MYO18A: variants seen among roughly 807,000 people sequenced by gnomAD.
MYO18A encodes the protein myosin XVIIIA.
Under a neutral mutation model 235.8 loss-of-function variants are expected in MYO18A, and 78 were observed. The observed-to-expected ratio is 0.33, with a 90% CI of 0.28 to 0.40. The LOEUF (loss-of-function observed/expected upper bound fraction) is 0.40, where lower values mean the gene tolerates loss of function less well. Among genes scored for constraint, MYO18A ranks in the 10% least tolerant of loss-of-function variants. The pLI is 1.00. For synonymous variants in MYO18A, 977 were observed against 1,077.8 expected, an observed-to-expected ratio of 0.91 and a Z score of 1.83; for missense variants, 2,215 against 2,699.3, an observed-to-expected ratio of 0.82 and a Z score of 3.98.
At position 29,118,483 on chromosome 17, in the gene MYO18A, T is replaced by G. The variant is rs764672979; in HGVS notation, c.1830-43A>C. 1 of 1,556,760 alleles carries G rather than the reference T, an allele frequency of 6.4e-7. No individual in the cohort carries two copies. Among genetic ancestry groups the G allele is most frequent in the East Asian group, 2.3e-5 (1 of 43,592 alleles). On this transcript the variant is annotated intron_variant, in intron 8 of 41. Coordinates refer to ENST00000527372, the MANE Select transcript of MYO18A (RefSeq NM_078471.4). The surrounding 1 kb of genome is among the most constrained non-coding windows in gnomAD (Gnocchi z 4.2). The stretch of plus-strand genomic sequence containing the variant: ...GCATCAGCACGGCACTTGGTCCCCA[T>G]GCCAAGGCCATTTCCGCCCAGGGTG...
chr17:29,176,518 A>C (rs757603042), intron 1 of MYO18A: 4 of 151,800 alleles, frequency 2.6e-5, no homozygotes. Flanking sequence ...TCATAAATAA[A>C]TACAAAGGAA....
In MYO18A at chr17:29,175,059, A is replaced by G. The variant is rs544870141; in HGVS notation, c.-82+5254T>C. On this transcript the variant is annotated intron_variant, in intron 1 of 41. Transcript: ENST00000527372. Reference sequence around the variant, plus strand: ...TGTAGGAAAAATATATGCTCTGGGGAGGAGACTGGAATTTTAGAAGGGTCA... The same window carrying G: ...TGTAGGAAAAATATATGCTCTGGGGGGGAGACTGGAATTTTAGAAGGGTCA... Among the ~76,000 whole-genome samples the G allele has an allele frequency of 3.3e-5, 5 of 152,260 alleles. No homozygotes were observed. The South Asian group carries it at 1.0e-3, about 32-fold the overall frequency.
intron 23 of MYO18A, 83 bp downstream of exon 23, chr17:29,098,743 A>G (rs1483568572): frequency 7.1e-6 from 11 of 1,543,768 alleles, no homozygotes; most frequent in Admixed American, 1.9e-5. Context: ...TCTGGACTAA[A>G]CGAAGAAGCG....
Position 29,125,514 on chromosome 17 carries a change from G to A in MYO18A, c.1000-3261C>T, listed in dbSNP as rs1325692085. Among the ~76,000 whole-genome samples the A allele has an allele frequency of 2.6e-5, 4 of 152,336 alleles. No homozygotes were observed. The East Asian group carries it at 5.8e-4, about 22-fold the overall frequency. On this transcript the variant is annotated intron_variant, in intron 2 of 41. Transcript: ENST00000527372. The surrounding 1 kb of genome is among the most constrained non-coding windows in gnomAD (Gnocchi z 5.1). ...ACTTGGATGTTACCTGTTAGAAATCGGCAAGGAGTTATCAGGCCCCACCTG... is the reference window on the plus strand; with the variant it reads ...ACTTGGATGTTACCTGTTAGAAATCAGCAAGGAGTTATCAGGCCCCACCTG...
At chr17:29,169,207 C>T (rs1043447471) in intron 1 of MYO18A, among the ~76,000 whole-genome samples, 5 of 152,016 alleles carry the variant, frequency 3.3e-5, no homozygotes, top group African/African-American at 4.8e-5. Flanking sequence ...CCCGCCACCA[C>T]GCCCAGCTAA....
chr17:29,135,213 G>A (rs905437139), intron 2 of MYO18A, among the ~76,000 whole-genome samples: 1 of 151,856 alleles, frequency 6.6e-6, no homozygotes, highest in Admixed American at 6.5e-5. Context: ...CCATTCTCCT[G>A]CCTCAGCCTC....
chr17:29,180,156 G>A lies in MYO18A; in HGVS notation c.-82+157C>T, dbSNP rs1449821964. Among the ~76,000 whole-genome samples, 3 of 151,840 alleles carry A rather than the reference G, an allele frequency of 2.0e-5. No homozygotes were observed. Among genetic ancestry groups the A allele is most frequent in the Non-Finnish European group, 2.9e-5 (2 of 67,862 alleles). On this transcript the variant is annotated intron_variant, in intron 1 of 41. Transcript: ENST00000527372. This position sits in a 1 kb window ranked among gnomAD's most constrained non-coding sequence, Gnocchi z 6.1. The stretch of plus-strand genomic sequence containing the variant: ...CACGGCGCCGCCAGGGACGGGAGCC[G>A]GGAGTCCGGGCCGCTGCTTCCAGGG...
intron 41 of MYO18A, chr17:29,080,702 C>T (rs2066098922): frequency 2.0e-6 from 2 of 985,300 alleles, no homozygotes; most frequent in East Asian, 1.1e-4. Flanking sequence ...GGGCTGAAGT[C>T]GGAGCCCCAC....
chr17:29,170,569 C>T (rs1210892323), intron 1 of MYO18A, among the ~76,000 whole-genome samples: 1 of 152,338 alleles, frequency 6.6e-6, no homozygotes, highest in East Asian at 1.9e-4. Context: ...CCCTCTCCCT[C>T]CACTCCAGTA....
chr17:29,135,169 T>C (rs1056688822), intron 2 of MYO18A, among the ~76,000 whole-genome samples: 1 of 151,732 alleles, frequency 6.6e-6, no homozygotes, highest in African/African-American at 2.4e-5. Flanking sequence ...GGTGCAATCT[T>C]GCCTCACTGC....
At chr17:29,155,365 C>T in intron 2 of MYO18A, 1 of 152,772 alleles carries the variant, frequency 6.5e-6, no homozygotes, top group Non-Finnish European at 1.5e-5. Context: ...CTCTTCTGCC[C>T]CAGGGCCGGG....
intron 34 of MYO18A, chr17:29,091,818 G>C (rs1020993181): frequency 1.3e-5 from 5 of 372,682 alleles, no homozygotes; most frequent in African/African-American, 1.1e-4. Flanking sequence ...TGATGCTCAA[G>C]GAGCTGCCTG....
In MYO18A at chr17:29,074,665, G is replaced by C; in HGVS notation, c.*105C>G. On this transcript the variant is annotated 3_prime_UTR_variant, in exon 42 of 42. Coordinates refer to ENST00000527372, the MANE Select transcript of MYO18A (RefSeq NM_078471.4). The surrounding 1 kb of genome is among the most constrained non-coding windows in gnomAD (Gnocchi z 4.4). Reference sequence around the variant, plus strand: ...AGAAGGTCAGGGTGTTTCCCATGCAGATCAGCAGTCGGGTGGGGGAGACCG... The same window carrying C: ...AGAAGGTCAGGGTGTTTCCCATGCACATCAGCAGTCGGGTGGGGGAGACCG... 7.7e-6 allele frequency: 10 copies of C among 1,291,248 alleles called. No individual in the cohort carries two copies. Among genetic ancestry groups the C allele is most frequent in the Non-Finnish European group, 1.0e-5 (9 of 902,048 alleles). The allele number at this position is 1,291,248 out of a possible 1,614,324, so 80.0% of individuals were successfully genotyped here.
intron 37 of MYO18A, among the ~76,000 whole-genome samples, chr17:29,088,052 CTT>C (rs1040172315): frequency 2.1e-4 from 26 of 124,600 alleles, no homozygotes; most frequent in African/African-American, 3.9e-4. Flanking sequence ...AAAATAAATT[CTT>C]TTTTTTTTTT....
intron 2 of MYO18A, among the ~76,000 whole-genome samples, chr17:29,127,295 G>A (rs773244393): frequency 6.6e-6 from 1 of 152,140 alleles, no homozygotes; most frequent in East Asian, 1.9e-4. Context: ...TTTGTTACAC[G>A]TTGTTGCTCA....
intron 15 of MYO18A, among the ~76,000 whole-genome samples, chr17:29,113,805 G>A (rs1380625332): frequency 6.6e-6 from 1 of 152,198 alleles, no homozygotes; most frequent in African/African-American, 2.4e-5. Context: ...AGAAGAAAGT[G>A]CCACCTTCCT....
rs958714688 is a variant in MYO18A, at chr17:29,128,111, C to T, written c.1000-5858G>A. On this transcript the variant is annotated intron_variant, in intron 2 of 41. Transcript: ENST00000527372. ...GGCCTTGTGCTCCTTGCCCCTGCCC[C>T]GAGACATCAGGCTCCGCAGGCCCAG... is the stretch of plus-strand genomic sequence containing the variant. 2.6e-5 allele frequency: 28 copies of T among 1,062,146 alleles called. No individual in the cohort carries two copies. The African/African-American group carries it at 4.5e-4, about 17-fold the overall frequency. The allele number at this position is 1,062,146 out of a possible 1,614,324, so 65.8% of individuals were successfully genotyped here.
Position 29,073,694 on chromosome 17 carries a change from G to A in MYO18A, c.*1076C>T, listed in dbSNP as rs560715761. On this transcript the variant is annotated 3_prime_UTR_variant, in exon 42 of 42. Coordinates refer to ENST00000527372, the MANE Select transcript of MYO18A (RefSeq NM_078471.4). ...CTCAGGGATAACCTTTTTAGGGTGG[G>A]GGCTGGGACCTCCAGACCACATGGT... 1.3e-6 allele frequency: 1 copy of A among 782,140 alleles called. No individual in the cohort carries two copies. Among genetic ancestry groups the A allele is most frequent in the Non-Finnish European group, 2.0e-6 (1 of 489,088 alleles). 48.5% of individuals were successfully genotyped at this position (782,140 alleles called of 1,614,324 possible). A position where few individuals can be genotyped will look rare whatever the true frequency, so the allele number is the denominator to read the frequency against.
At chr17:29,080,879 A>G in intron 41 of MYO18A, 5 of 985,350 alleles carry the variant, frequency 5.1e-6, no homozygotes, top group Non-Finnish European at 6.0e-6. Context: ...AGGGAGGTGA[A>G]GAGCGAATCC....
Sources: allele counts gnomAD v4.1 joint callset (sites outside exome capture counted in the v4.1 genomes callset), GRCh38; gene constraint gnomAD v4.1.1; non-coding constraint Gnocchi (gnomAD v3.1); transcripts MANE v1.5; gene names NCBI Gene and HGNC (gene_info 2026-07-23, HGNC 2026-07-21).